MEGF11: variants seen among roughly 807,000 people sequenced by gnomAD.
The protein encoded by MEGF11 is multiple epidermal growth factor-like domains protein 11.
Under a neutral mutation model 146.6 loss-of-function variants are expected in MEGF11, and 126 were observed. The ratio of observed to expected loss-of-function variants is 0.86; its 90% CI spans 0.74 to 1.00. MEGF11 has a LOEUF of 1.00. Ranked by LOEUF, MEGF11 falls within the 50% of genes least tolerant of loss-of-function variation. The pLI, the probability that MEGF11 is intolerant of heterozygous loss-of-function variation, is 0.00. For missense variants in MEGF11, 1,509 were observed against 1,521.2 expected (o/e 0.99, Z 0.13); for synonymous variants, 532 against 583.4 (o/e 0.91, Z 1.27).
rs745526704 is a variant in MEGF11, at chr15:65,930,870, T to C, written c.1361A>G (p.Asn454Ser). The C allele has an allele frequency of 6.2e-7, 1 of 1,611,772 alleles. No individual in the cohort carries two copies. The highest frequency in any genetic ancestry group is 1.1e-5 in the South Asian group (1 of 90,554). ...PNCSSICSCNNGGTCSPVDGS... is the reference protein window; with the variant it reads ...PNCSSICSCNSGGTCSPVDGS... ...ATCTACTGGGGAGCAGGTGCCACCA[T>C]TGTTACAGCTACAGATGGACGAGCA... The change falls in exon 11 of 26, where the codon AAT becomes AGT. Residue 454 changes from asparagine to serine, a missense_variant. Physicochemically the swap from Asn to Ser is conservative, Grantham distance 46. Transcript: ENST00000395614.
At chr15:65,983,599 G>A (rs993873937) in intron 5 of MEGF11, among the ~76,000 whole-genome samples, 5 of 152,206 alleles carry the variant, frequency 3.3e-5, no homozygotes, top group Non-Finnish European at 4.4e-5. Flanking sequence ...GCCATCTCAA[G>A]TGGGCTGTAA....
At chr15:66,106,436 G>A (rs556432582) in intron 4 of MEGF11, among the ~76,000 whole-genome samples, 5 of 152,166 alleles carry the variant, frequency 3.3e-5, no homozygotes, top group East Asian at 3.9e-4. Context: ...AATAATAAAC[G>A]CCATCACTTC....
chr15:66,028,264 A>G (rs1567208510), intron 5 of MEGF11, among the ~76,000 whole-genome samples: 1 of 152,252 alleles, frequency 6.6e-6, no homozygotes, highest in Non-Finnish European at 1.5e-5. Flanking sequence ...TAAGTATCCA[A>G]TAAAGGTCTT....
At chr15:65,925,704 C>T (rs1414812791) in intron 13 of MEGF11, among the ~76,000 whole-genome samples, 1 of 152,118 alleles carries the variant, frequency 6.6e-6, no homozygotes, top group African/African-American at 2.4e-5. Flanking sequence ...AGGACTCCTC[C>T]CCACCCCCAC....
intron 1 of MEGF11, among the ~76,000 whole-genome samples, chr15:66,216,898 C>T (rs1289318105): frequency 6.6e-6 from 1 of 152,214 alleles, no homozygotes; most frequent in Non-Finnish European, 1.5e-5. Flanking sequence ...ACCTCCAATG[C>T]CTGGTTAGTT....
At chr15:65,903,528 C>T (rs1215627614) in intron 24 of MEGF11, among the ~76,000 whole-genome samples, 1 of 152,154 alleles carries the variant, frequency 6.6e-6, no homozygotes, top group African/African-American at 2.4e-5. Context: ...AGTACAGCCC[C>T]ATCGTTTTAT....
chr15:65,986,076 C>T lies in MEGF11; in HGVS notation c.395-3588G>A, dbSNP rs148945106. Among the ~76,000 whole-genome samples the T allele has an allele frequency of 7.9e-5, 12 of 152,032 alleles. 1 individual carries two copies. Among genetic ancestry groups the T allele is most frequent in the Admixed American group, 3.3e-4 (5 of 15,278 alleles). On this transcript the variant is annotated intron_variant, in intron 5 of 25. Coordinates refer to ENST00000395614, the MANE Select transcript of MEGF11 (RefSeq NM_001385028.1). ...AAGCGATTCTCCTGCCTCAGCCTCC[C>T]GAGTAGCTGGGATCACAGGCACCCA...
intron 1 of MEGF11, among the ~76,000 whole-genome samples, chr15:66,226,090 C>T (rs1043755514): frequency 7.9e-5 from 12 of 152,198 alleles, no homozygotes; most frequent in African/African-American, 2.4e-5. Flanking sequence ...GATGAAATGT[C>T]GTGCCCTCTT....
At chr15:66,035,987 G>A (rs150392230) in intron 5 of MEGF11, among the ~76,000 whole-genome samples, 133 of 152,342 alleles carry the variant, frequency 8.7e-4, no homozygotes, top group African/African-American at 3.1e-3. Context: ...ACAGCTCAGA[G>A]CACCCCGCCA....
chr15:66,017,244 G>T (rs1410425049), intron 5 of MEGF11, among the ~76,000 whole-genome samples: 1 of 152,230 alleles, frequency 6.6e-6, no homozygotes, highest in Non-Finnish European at 1.5e-5. Flanking sequence ...AGGATGACAG[G>T]CAGCCTGGGA....
intron 10 of MEGF11, among the ~76,000 whole-genome samples, chr15:65,931,293 G>A (rs1203719081): frequency 1.3e-5 from 2 of 152,202 alleles, no homozygotes; most frequent in Non-Finnish European, 2.9e-5. Flanking sequence ...GCTGAGGAAT[G>A]CAGTGGCCTC....
chr15:65,955,793 T>A (rs371435832), intron 10 of MEGF11, among the ~76,000 whole-genome samples: 1 of 6,776 alleles, frequency 1.5e-4, no homozygotes, highest in Non-Finnish European at 3.9e-4. Context: ...TATATATATA[T>A]ACACACACAC....
chr15:66,185,756 G>A (rs191831926), intron 1 of MEGF11, among the ~76,000 whole-genome samples: 124 of 152,334 alleles, frequency 8.1e-4, no homozygotes, highest in African/African-American at 2.9e-3. Context: ...CAGGCACCAG[G>A]TAGACCAGAA....
In MEGF11 at chr15:65,900,909, A is replaced by G. The variant is rs570039995; in HGVS notation, c.3056-1975T>C. Among the ~76,000 whole-genome samples the G allele has an allele frequency of 4.6e-5, 7 of 152,358 alleles. No homozygotes were observed. In the South Asian group the frequency reaches 6.2e-4, roughly 14 times the overall value. ...AGCAAGGCCTAAAGGGAGGCCAGAT[A>G]TAGGCCCAGATGCTGGTTGACTTTT... On this transcript the variant is annotated intron_variant, in intron 24 of 25. Coordinates refer to ENST00000395614, the MANE Select transcript of MEGF11 (RefSeq NM_001385028.1).
At chr15:66,070,708 C>G (rs1293712500) in intron 5 of MEGF11, among the ~76,000 whole-genome samples, 1 of 152,064 alleles carries the variant, frequency 6.6e-6, no homozygotes, top group African/African-American at 2.4e-5. Context: ...AGCGGGGAGG[C>G]CTTGACTATA....
At chr15:65,960,087 G>GCAT (rs139603357) in intron 9 of MEGF11, among the ~76,000 whole-genome samples, 9,356 of 152,246 alleles carry the variant, frequency 0.061, 410 homozygotes, top group Non-Finnish European at 0.093. Context: ...AATCAATGCT[G>GCAT]CATCTGTTGG....
chr15:65,967,116 C>G (rs1429131532), intron 8 of MEGF11: 1 of 152,216 alleles, frequency 6.6e-6, no homozygotes, highest in African/African-American at 2.4e-5. Context: ...TGGGACGATA[C>G]TCACTAAACC....
rs150049334 is a variant in MEGF11 at position 66,226,937 on chromosome 15, A to G, written c.-9+26668T>C. Among the ~76,000 whole-genome samples the G allele has an allele frequency of 2.1e-3, 325 of 152,322 alleles. 2 individuals carry two copies. Among genetic ancestry groups the G allele is most frequent in the Non-Finnish European group, 2.9e-3 (199 of 68,012 alleles). On this transcript the variant is annotated intron_variant, in intron 1 of 25. Coordinates refer to ENST00000395614, the MANE Select transcript of MEGF11 (RefSeq NM_001385028.1). ...GGAGGACAGGTTGCCAGAAGCCAGC[A>G]GTCAAGTCACAAGATGGTCTTCTCG...
At chr15:66,238,186 A>G (rs370139179) in intron 1 of MEGF11, among the ~76,000 whole-genome samples, 6 of 152,176 alleles carry the variant, frequency 3.9e-5, no homozygotes, top group African/African-American at 1.4e-4. Context: ...CCCCACTGCT[A>G]GGAGCCCAGT....
Sources: gnomAD v4.1 joint callset for allele counts (sites outside exome capture counted in the v4.1 genomes callset) on GRCh38, gnomAD v4.1.1 for gene constraint, MANE v1.5 for transcripts, NCBI Gene and HGNC (gene_info 2026-07-23, HGNC 2026-07-21) for gene names.